PXN: variants seen among roughly 807,000 people sequenced by gnomAD.
The protein encoded by PXN is paxillin, also known as testicular tissue protein Li 134.
A neutral mutation model predicts 103.6 loss-of-function variants in PXN; 61 were observed. The ratio of observed to expected loss-of-function variants is 0.59; its 90% CI spans 0.48 to 0.73. The LOEUF (loss-of-function observed/expected upper bound fraction) is 0.73. Among genes scored for constraint, PXN ranks in the 30% least tolerant of loss-of-function variants. The pLI, the probability that PXN is intolerant of heterozygous loss-of-function variation, is 0.00. For missense variants in PXN, 1,274 were observed against 1,460.3 expected (o/e 0.87, Z 2.08); for synonymous variants, 562 against 607.8 (o/e 0.92, Z 1.11).
At chr12:120,251,045 A>C (rs891359269) in intron 1 of PXN, among the ~76,000 whole-genome samples, 2 of 151,936 alleles carry the variant, frequency 1.3e-5, no homozygotes, top group African/African-American at 4.8e-5. Context: ...CTCTACTAAA[A>C]ATACAAAAAA....
intron 1 of PXN, among the ~76,000 whole-genome samples, chr12:120,245,683 G>A (rs970784119): frequency 1.3e-5 from 2 of 151,272 alleles, no homozygotes; most frequent in Non-Finnish European, 1.5e-5. Context: ...AGCTACTTGG[G>A]AGGCTGAGGC....
At position 120,216,942 on chromosome 12, in the gene PXN, C is replaced by T. The variant is rs537215671; in HGVS notation, c.1891G>A (p.Ala631Thr). The change falls in exon 8 of 15, where the codon GCG (alanine) becomes ACG (threonine). Residue 631 changes from alanine (A) to threonine (T), a missense_variant. Physicochemically the swap from Ala to Thr is moderately conservative, Grantham distance 58. Around this residue, in one of 2 missense-constraint regions of PXN, gnomAD observed 1,178 missense variants for 1,309.0 expected, o/e 0.90. Transcript: ENST00000637617. This position sits in a 1 kb window ranked among gnomAD's most constrained non-coding sequence, Gnocchi z 5.1. ...TGGGCAGAGGGCCCCGCCGCCTCCGCCGGCTCCTCTGCCTCAGGCTGGATG... is the reference window on the plus strand; with the variant it reads ...TGGGCAGAGGGCCCCGCCGCCTCCGTCGGCTCCTCTGCCTCAGGCTGGATG... Reference protein sequence around the residue: ...LGIQPEAEEPAEAAGPSAQDW... With the variant: ...LGIQPEAEEPTEAAGPSAQDW... 5.9e-6 allele frequency: 9 copies of T among 1,532,612 alleles called. No homozygotes were observed. In the East Asian group the frequency reaches 1.5e-4, roughly 25 times the overall value. The allele number at this position is 1,532,612 out of a possible 1,614,324, so 94.9% of individuals were successfully genotyped here. A position where few individuals can be genotyped will look rare whatever the true frequency, so the allele number is the denominator to read the frequency against.
In PXN at chr12:120,224,647, G is replaced by A; in HGVS notation, c.14-270C>T. 1 of 663,842 alleles carries A rather than the reference G, an allele frequency of 1.5e-6. No individual in the cohort carries two copies. The highest frequency in any genetic ancestry group is 2.8e-6 in the Non-Finnish European group (1 of 360,688). 41.1% of individuals were successfully genotyped at this position (663,842 alleles called of 1,614,324 possible). On this transcript the variant is annotated intron_variant, in intron 1 of 14. Coordinates refer to ENST00000637617, the MANE Select transcript of PXN (RefSeq NM_001385981.1). The surrounding 1 kb of genome is among the most constrained non-coding windows in gnomAD (Gnocchi z 5.0). ...CTGCCCTGTGGGATCTCCTACCTCT[G>A]GGAGTCAGGCACCTGGCACTGCGTT...
In PXN at chr12:120,215,241, T is replaced by C; in HGVS notation, c.2436A>G (p.Ser812=). ...CGGGCTTCGGGGGCCCCCCAGGGGG[T>C]GAGCTGCTCCCTGTCTTCCCCTGGG... The part of the protein sequence containing the change: ...FMAQGKTGSS[S]PPGGPPKPGS... The change falls in exon 11 of 15, where the codon TCA becomes TCG. Residue 812 remains serine, a synonymous_variant. Transcript: ENST00000637617. The surrounding 1 kb of genome is among the most constrained non-coding windows in gnomAD (Gnocchi z 4.9). 2 of 1,588,518 alleles carry C rather than the reference T, an allele frequency of 1.3e-6. No individual in the cohort carries two copies. The highest frequency in any genetic ancestry group is 2.3e-5 in the East Asian group (1 of 43,702).
At position 120,228,971 on chromosome 12, in the gene PXN, G is replaced by T. The variant is rs186109027; in HGVS notation, c.14-4594C>A. 2.9e-4 allele frequency among the ~76,000 whole-genome samples: 44 copies of T among 152,316 alleles called. No individual in the cohort carries two copies. The highest frequency in any genetic ancestry group is 5.7e-4 in the Non-Finnish European group (39 of 68,016). ...CCTGGGCCTCAGCAACTGACTGAGCGTAATCCTTACAACCGGTGGGAGCCG... is the reference window on the plus strand; with the variant it reads ...CCTGGGCCTCAGCAACTGACTGAGCTTAATCCTTACAACCGGTGGGAGCCG... On this transcript the variant is annotated intron_variant, in intron 1 of 14. Transcript: ENST00000637617. This position sits in a 1 kb window ranked among gnomAD's most constrained non-coding sequence, Gnocchi z 4.7.
Position 120,213,727 on chromosome 12 carries a change from A to T in PXN, c.2979+115T>A. ...AAGGAGATCCCCTGCCTGCTCCCCCAATTAATAACCCCAAATGAGGCCTCT... is the reference window on the plus strand; with the variant it reads ...AAGGAGATCCCCTGCCTGCTCCCCCTATTAATAACCCCAAATGAGGCCTCT... On this transcript the variant is annotated intron_variant, in intron 14 of 14. Coordinates refer to ENST00000637617, the MANE Select transcript of PXN (RefSeq NM_001385981.1). The surrounding 1 kb of genome is among the most constrained non-coding windows in gnomAD (Gnocchi z 4.2). 1.4e-6 allele frequency: 2 copies of T among 1,391,416 alleles called. No homozygotes were observed. The highest frequency in any genetic ancestry group is 1.9e-6 in the Non-Finnish European group (2 of 1,028,590). 86.2% of individuals were successfully genotyped at this position (1,391,416 alleles called of 1,614,324 possible).
At chr12:120,240,929 C>T (rs1304758661) in intron 1 of PXN, among the ~76,000 whole-genome samples, 1 of 152,198 alleles carries the variant, frequency 6.6e-6, no homozygotes, top group African/African-American at 2.4e-5. Flanking sequence ...GCTCCCTAAC[C>T]CTGGAGCAAA....
At chr12:120,236,137 T>C (rs1483635468) in intron 1 of PXN, among the ~76,000 whole-genome samples, 1 of 152,196 alleles carries the variant, frequency 6.6e-6, no homozygotes, top group Non-Finnish European at 1.5e-5. Flanking sequence ...ACTGCTGTTT[T>C]TAACTACTCT....
Position 120,225,772 on chromosome 12 carries a change from T to G in PXN, c.14-1395A>C, listed in dbSNP as rs1158674403. ...CCAGTGTGATCCTTCCTTGTGGCCT[T>G]GCTCCCAGTCCCCCAACCTGTGTTC... On this transcript the variant is annotated intron_variant, in intron 1 of 14. Coordinates refer to ENST00000637617, the MANE Select transcript of PXN (RefSeq NM_001385981.1). This position sits in a 1 kb window ranked among gnomAD's most constrained non-coding sequence, Gnocchi z 4.4. The G allele has an allele frequency of 6.5e-6, 1 of 152,762 alleles. No homozygotes were observed. The highest frequency in any genetic ancestry group is 1.5e-5 in the Non-Finnish European group (1 of 68,374). 9.5% of individuals were successfully genotyped at this position (152,762 alleles called of 1,614,324 possible).
At chr12:120,257,452 C>G (rs1457255317) in intron 1 of PXN, among the ~76,000 whole-genome samples, 1 of 152,212 alleles carries the variant, frequency 6.6e-6, no homozygotes, top group African/African-American at 2.4e-5. Context: ...CTCGGCATCT[C>G]TGCACGCTGA....
At chr12:120,261,535 C>A (rs548777466) in intron 1 of PXN, among the ~76,000 whole-genome samples, 2 of 151,982 alleles carry the variant, frequency 1.3e-5, no homozygotes, top group African/African-American at 4.8e-5. Context: ...GGATGATCCC[C>A]GGAAAGGCTG....
chr12:120,243,779 G>A (rs1486647917), intron 1 of PXN, among the ~76,000 whole-genome samples: 1 of 152,124 alleles, frequency 6.6e-6, no homozygotes, highest in East Asian at 1.9e-4. Context: ...AGGGTTTGAG[G>A]CTCCATTCCT....
chr12:120,224,599 T>C lies in PXN; in HGVS notation c.14-222A>G. On this transcript the variant is annotated intron_variant, in intron 1 of 14. Coordinates refer to ENST00000637617, the MANE Select transcript of PXN (RefSeq NM_001385981.1). The surrounding 1 kb of genome is among the most constrained non-coding windows in gnomAD (Gnocchi z 5.0). ...TCTTCTGGCCACCCAGGACTGAAAG[T>C]GCTCTAGAGGCGGGCTCTGGGGCTG... The C allele has an allele frequency of 1.4e-6, 1 of 694,642 alleles. No homozygotes were observed. The highest frequency in any genetic ancestry group is 2.6e-6 in the Non-Finnish European group (1 of 380,196). 43.0% of individuals were successfully genotyped at this position (694,642 alleles called of 1,614,324 possible).
In PXN at chr12:120,252,693, A is replaced by T. The variant is rs567043178; in HGVS notation, c.13+12924T>A. The stretch of plus-strand genomic sequence containing the variant: ...TAGGAATATGTGTGAGGCAAGTGAG[A>T]CCCAATGTAGGCAACAGAGAGGGTC... On this transcript the variant is annotated intron_variant, in intron 1 of 14. Coordinates refer to ENST00000637617, the MANE Select transcript of PXN (RefSeq NM_001385981.1). 4.6e-5 allele frequency among the ~76,000 whole-genome samples: 7 copies of T among 152,264 alleles called. No individual in the cohort carries two copies. The South Asian group carries it at 1.2e-3, about 27-fold the overall frequency.
In PXN at chr12:120,215,297, C is replaced by G. The variant is rs372963140; in HGVS notation, c.2404-24G>C. ...AACTGTGGACACGGAGGGGGCTGGT[C>G]AGGACTCCTGAGGCTCGGGGTACGG... On this transcript the variant is annotated intron_variant, in intron 10 of 14. Coordinates refer to ENST00000637617, the MANE Select transcript of PXN (RefSeq NM_001385981.1). This position sits in a 1 kb window ranked among gnomAD's most constrained non-coding sequence, Gnocchi z 4.9. The G allele has an allele frequency of 6.4e-7, 1 of 1,570,138 alleles. No homozygotes were observed. Among genetic ancestry groups the G allele is most frequent in the Non-Finnish European group, 8.6e-7 (1 of 1,160,910 alleles).
chr12:120,233,146 A>G (rs1483503749), intron 1 of PXN, among the ~76,000 whole-genome samples: 1 of 152,094 alleles, frequency 6.6e-6, no homozygotes. Context: ...GGTTCTCCCA[A>G]TCTAACGCTT....
chr12:120,256,517 C>T (rs370205409), intron 1 of PXN, among the ~76,000 whole-genome samples: 2 of 151,772 alleles, frequency 1.3e-5, no homozygotes, highest in African/African-American at 4.8e-5. Flanking sequence ...CAGCCATCTA[C>T]ACTGACAGAA....
Position 120,214,564 on chromosome 12 carries a change from T to G in PXN, c.2748+261A>C, listed in dbSNP as rs886140927. On this transcript the variant is annotated intron_variant, in intron 12 of 14. Coordinates refer to ENST00000637617, the MANE Select transcript of PXN (RefSeq NM_001385981.1). This position sits in a 1 kb window ranked among gnomAD's most constrained non-coding sequence, Gnocchi z 5.0. ...GGCCGCTGGCATCCAACTCCATTTA[T>G]CTCCTCAGGGCTCCTGAGTCCTGGG... 7.9e-5 allele frequency among the ~76,000 whole-genome samples: 12 copies of G among 152,236 alleles called. No individual in the cohort carries two copies. The highest frequency in any genetic ancestry group is 5.2e-4 in the Admixed American group (8 of 15,300).
Position 120,222,827 on chromosome 12 carries a change from G to A in PXN, c.493+36C>T. 6.2e-7 allele frequency: 1 copy of A among 1,609,832 alleles called. No homozygotes were observed. ...CTAGAGGTCAGCAGATGGGCCCTGG[G>A]CCCTGGTAGACCCTGCCCCAGGGAC... On this transcript the variant is annotated intron_variant, in intron 4 of 14. Transcript: ENST00000637617. The surrounding 1 kb of genome is among the most constrained non-coding windows in gnomAD (Gnocchi z 4.7).
Sources: allele counts gnomAD v4.1 joint callset (sites outside exome capture counted in the v4.1 genomes callset), GRCh38; gene constraint gnomAD v4.1.1; regional missense constraint gnomAD v4.1.1; non-coding constraint Gnocchi (gnomAD v3.1); transcripts MANE v1.5; gene names NCBI Gene and HGNC (gene_info 2026-07-23, HGNC 2026-07-21).